Variants in IQCH observed in about 807,000 individuals in gnomAD.
IQCH encodes the protein IQ domain-containing protein H.
In IQCH, 98 loss-of-function variants were observed where a neutral mutation model predicts 117.0. The ratio of observed to expected loss-of-function variants is 0.84; its 90% CI spans 0.71 to 0.99. The LOEUF is 0.99. IQCH is among the 50% of genes least tolerant of loss of function. The pLI is 0.00. For synonymous variants in IQCH, 412 were observed against 448.2 expected (o/e 0.92, Z 1.02); for missense variants, 1,102 against 1,243.8 (o/e 0.89, Z 1.72).
chr15:67,477,802 C>T (rs2083241772), intron 18 of IQCH, among the ~76,000 whole-genome samples: 1 of 152,120 alleles, frequency 6.6e-6, no homozygotes, highest in Non-Finnish European at 1.5e-5. Context: ...TCCTGCCCTT[C>T]CCCCCACACA....
chr15:67,345,473 A>G (rs1969347571), intron 6 of IQCH, among the ~76,000 whole-genome samples: 1 of 152,220 alleles, frequency 6.6e-6, no homozygotes, highest in African/African-American at 2.4e-5. Flanking sequence ...ATGACCAAGG[A>G]TAATATCATT....
At chr15:67,309,154 A>C (rs1967460485) in intron 4 of IQCH, among the ~76,000 whole-genome samples, 1 of 152,124 alleles carries the variant, frequency 6.6e-6, no homozygotes. Context: ...TGAGTTTTTA[A>C]TGAGATAATT....
Position 67,400,188 on chromosome 15 carries a change from G to C in IQCH, c.1980G>C (p.Glu660Asp). Residue 660 changes from glutamate to aspartate, a missense_variant, in exon 14 of 21, where the codon GAG (glutamate) becomes GAC (aspartate). Around this residue, in one of 2 missense-constraint regions of IQCH, gnomAD observed 650 missense variants for 794.3 expected, o/e 0.82. Coordinates refer to ENST00000335894, the MANE Select transcript of IQCH (RefSeq NM_001031715.3). ...GTTGGCTCTTTAAAATGGACTCTGA[G>C]TTCCGAGGAAATGGGACTGCATTTT... ...IQRWLFKMDSEFRGNGTAFCD... is the reference protein window; with the variant it reads ...IQRWLFKMDSDFRGNGTAFCD... 1 of 1,613,822 alleles carries C rather than the reference G, an allele frequency of 6.2e-7. No homozygotes were observed. The highest frequency in any genetic ancestry group is 1.3e-5 in the African/African-American group (1 of 75,038).
In IQCH at chr15:67,337,091, C is replaced by A. The variant is rs1311749488; in HGVS notation, c.504C>A (p.His168Gln). The change falls in exon 5 of 21, where the codon CAC becomes CAA. Residue 168 changes from histidine (H) to glutamine (Q), a missense_variant. His to Gln is a conservative substitution (Grantham distance 24). This residue lies in a region of IQCH where 452 missense variants were observed against 449.6 expected (regional missense o/e 1.01). Transcript: ENST00000335894. ...TPIPVLQADA[H>Q]KGILSMIERG... is the part of the protein sequence containing the mutation. ...TACCAGTCTTACAAGCAGATGCCCA[C>A]AAAGGTTAGTGATTCAATAGCCATT... 9 of 1,613,054 alleles carry A rather than the reference C, an allele frequency of 5.6e-6. No individual in the cohort carries two copies. The highest frequency in any genetic ancestry group is 1.6e-4 in the Middle Eastern group (1 of 6,078).
chr15:67,303,110 C>G (rs1031726883), intron 4 of IQCH, among the ~76,000 whole-genome samples: 1 of 152,172 alleles, frequency 6.6e-6, no homozygotes, highest in Non-Finnish European at 1.5e-5. Context: ...AGATCACCCT[C>G]AAAACTAAGA....
Position 67,341,366 on chromosome 15 carries a change from T to A in IQCH, c.509-2697T>A, listed in dbSNP as rs113415541. 2.1e-3 allele frequency among the ~76,000 whole-genome samples: 319 copies of A among 152,290 alleles called. 1 individual carries two copies. The highest frequency in any genetic ancestry group is 7.5e-3 in the African/African-American group (310 of 41,578). ...GACAGATGGACAAAAACTAACAAAC[T>A]GTATTCTCTATAAGACATTAGATCA... On this transcript the variant is annotated intron_variant, in intron 5 of 20. Coordinates refer to ENST00000335894, the MANE Select transcript of IQCH (RefSeq NM_001031715.3).
intron 4 of IQCH, among the ~76,000 whole-genome samples, chr15:67,310,912 A>T (rs1277684645): frequency 1.3e-5 from 2 of 152,156 alleles, no homozygotes; most frequent in African/African-American, 2.4e-5. Context: ...ATGTGATAGA[A>T]CATCCTAAAA....
chr15:67,284,367 A>G (rs1966479846), intron 4 of IQCH, among the ~76,000 whole-genome samples: 1 of 152,180 alleles, frequency 6.6e-6, no homozygotes. Context: ...GTAGTAAATG[A>G]CAAGATCTCA....
intron 3 of IQCH, among the ~76,000 whole-genome samples, chr15:67,269,813 T>C (rs1442959329): frequency 6.6e-6 from 1 of 152,182 alleles, no homozygotes; most frequent in Non-Finnish European, 1.5e-5. Flanking sequence ...AATGACAGGA[T>C]TCCTTTGTTT....
At chr15:67,292,034 A>G (rs2140504740) in intron 4 of IQCH, among the ~76,000 whole-genome samples, 1 of 152,234 alleles carries the variant, frequency 6.6e-6, no homozygotes, top group East Asian at 1.9e-4. Flanking sequence ...TGCTTAGCTC[A>G]TGAGAGTGAA....
In IQCH at chr15:67,466,273, A is replaced by G. The variant is rs2082931399; in HGVS notation, c.2676+976A>G. On this transcript the variant is annotated intron_variant, in intron 17 of 20. Transcript: ENST00000335894. This position sits in a 1 kb window ranked among gnomAD's most constrained non-coding sequence, Gnocchi z 4.4. ...TAGGTTGGTCATGGAGAGAGAGAAC[A>G]AAGGCCAAGGGGACCAGATGCCCTT... is the stretch of plus-strand genomic sequence containing the variant. Among the ~76,000 whole-genome samples the G allele has an allele frequency of 1.3e-5, 2 of 152,224 alleles. No homozygotes were observed. Among genetic ancestry groups the G allele is most frequent in the Admixed American group, 1.3e-4 (2 of 15,284 alleles).
chr15:67,472,435 CTGTGT>C lies in IQCH; in HGVS notation c.2677-3259_2677-3255del, dbSNP rs2083093681. Among the ~76,000 whole-genome samples the C allele has an allele frequency of 6.6e-6, 1 of 152,084 alleles. No individual in the cohort carries two copies. Among genetic ancestry groups the C allele is most frequent in the Admixed American group, 6.6e-5 (1 of 15,264 alleles). ...GAATAGGAGGATGACACAGACCAAC[CTGTGT>C]TAGGGGGAAATGATTAATCCGGTGA... is the stretch of plus-strand genomic sequence containing the variant. On this transcript the variant is annotated intron_variant, in intron 17 of 20. Transcript: ENST00000335894. This position sits in a 1 kb window ranked among gnomAD's most constrained non-coding sequence, Gnocchi z 4.3.
chr15:67,463,191 A>G lies in IQCH; in HGVS notation c.2506-1936A>G, dbSNP rs1446150503. Reference sequence around the variant, plus strand: ...CACACAGAGTTGGTGAGCGGGGTAAATACAGGCCTTCTAGGAGGAAAAACT... The same window carrying G: ...CACACAGAGTTGGTGAGCGGGGTAAGTACAGGCCTTCTAGGAGGAAAAACT... On this transcript the variant is annotated intron_variant, in intron 16 of 20. Coordinates refer to ENST00000335894, the MANE Select transcript of IQCH (RefSeq NM_001031715.3). This position sits in a 1 kb window ranked among gnomAD's most constrained non-coding sequence, Gnocchi z 4.0. Among the ~76,000 whole-genome samples, 1 of 152,088 alleles carries G rather than the reference A, an allele frequency of 6.6e-6. No homozygotes were observed. The highest frequency in any genetic ancestry group is 1.5e-5 in the Non-Finnish European group (1 of 67,968).
intron 16 of IQCH, among the ~76,000 whole-genome samples, chr15:67,439,592 A>G (rs1311743674): frequency 6.6e-6 from 1 of 152,136 alleles, no homozygotes; most frequent in African/African-American, 2.4e-5. Flanking sequence ...CAAACAAAAA[A>G]TACAAACAAT....
At chr15:67,351,806 G>A (rs910829204) in intron 6 of IQCH, among the ~76,000 whole-genome samples, 4 of 151,606 alleles carry the variant, frequency 2.6e-5, no homozygotes, top group Non-Finnish European at 2.9e-5. Flanking sequence ...TTTGGTTATT[G>A]TTTGCCTGGC....
intron 3 of IQCH, among the ~76,000 whole-genome samples, chr15:67,277,816 AG>A (rs1383937902): frequency 6.6e-6 from 1 of 152,006 alleles, no homozygotes; most frequent in Admixed American, 6.6e-5. Context: ...TACAGGCTTG[AG>A]CCACCGCGCC....
At position 67,432,843 on chromosome 15, in the gene IQCH, ATATT is replaced by A. The variant is rs2082047278; in HGVS notation, c.2505+11273_2505+11276del. Among the ~76,000 whole-genome samples, 1 of 152,188 alleles carries A rather than the reference ATATT, an allele frequency of 6.6e-6. No individual in the cohort carries two copies. The highest frequency in any genetic ancestry group is 2.4e-5 in the African/African-American group (1 of 41,448). On this transcript the variant is annotated intron_variant, in intron 16 of 20. Transcript: ENST00000335894. This position sits in a 1 kb window ranked among gnomAD's most constrained non-coding sequence, Gnocchi z 5.0. ...CTAGCATATAATAGATGTTCAATAAATATTTATTTAATGAATGAATGAATACTTC... is the reference window on the plus strand; with the variant it reads ...CTAGCATATAATAGATGTTCAATAAATATTTAATGAATGAATGAATACTTC...
Position 67,421,339 on chromosome 15 carries a change from C to A in IQCH, c.2267C>A (p.Thr756Lys). 1 of 1,614,194 alleles carries A rather than the reference C, an allele frequency of 6.2e-7. No individual in the cohort carries two copies. Among genetic ancestry groups the A allele is most frequent in the South Asian group, 1.1e-5 (1 of 91,086 alleles). The change falls in exon 16 of 21, where the codon ACA (threonine) becomes AAA (lysine). Residue 756 changes from threonine to lysine, a missense_variant. This residue lies in a region of IQCH where 650 missense variants were observed against 794.3 expected (regional missense o/e 0.82). Transcript: ENST00000335894. The part of the protein sequence containing the change: ...FPPADNVTNL[T>K]VDMLIEPNGK... The stretch of plus-strand genomic sequence containing the variant: ...CCTGCAGACAATGTCACCAACCTCA[C>A]AGTGGACATGCTGATAGAGCCCAAC...
Position 67,473,479 on chromosome 15 carries a change from C to G in IQCH, c.2677-2217C>G, listed in dbSNP as rs1415840918. Among the ~76,000 whole-genome samples the G allele has an allele frequency of 2.6e-4, 39 of 152,248 alleles. 1 individual carries two copies. Among genetic ancestry groups the G allele is most frequent in the Admixed American group, 2.6e-3 (39 of 15,282 alleles). ...TTGTCCTTCTCTAAGGATGGTGTGA[C>G]TGTCCCCTGTGCCATGTAATAATCA... is the stretch of plus-strand genomic sequence containing the variant. On this transcript the variant is annotated intron_variant, in intron 17 of 20. Transcript: ENST00000335894. The surrounding 1 kb of genome is among the most constrained non-coding windows in gnomAD (Gnocchi z 4.9).
Sources: allele counts gnomAD v4.1 joint callset (sites outside exome capture counted in the v4.1 genomes callset), GRCh38; gene constraint gnomAD v4.1.1; regional missense constraint gnomAD v4.1.1; non-coding constraint Gnocchi (gnomAD v3.1); transcripts MANE v1.5; gene names NCBI Gene and HGNC (gene_info 2026-07-23, HGNC 2026-07-21).